KCNB2: variants seen among roughly 807,000 people sequenced by gnomAD.
KCNB2 encodes the protein potassium voltage-gated channel subfamily B member 2.
In KCNB2, 15 loss-of-function variants were observed where a neutral mutation model predicts 61.5. The observed-to-expected ratio is 0.24, with a 90% CI of 0.16 to 0.38. KCNB2 has a LOEUF of 0.38. KCNB2 is among the 10% of genes least tolerant of loss of function. The pLI is 1.00. For missense variants in KCNB2, 828 were observed against 1,125.2 expected, an observed-to-expected ratio of 0.74 and a Z score of 3.78; for synonymous variants, 457 against 446.0, an observed-to-expected ratio of 1.02 and a Z score of -0.31.
At chr8:72,589,992 T>A (rs1316769536) in intron 2 of KCNB2, among the ~76,000 whole-genome samples, 3 of 152,234 alleles carry the variant, frequency 2.0e-5, no homozygotes, top group African/African-American at 4.8e-5. Flanking sequence ...CTTATAATGA[T>A]TTTTACAGTG....
chr8:72,632,845 G>A (rs977246653), intron 2 of KCNB2, among the ~76,000 whole-genome samples: 2 of 152,120 alleles, frequency 1.3e-5, no homozygotes, highest in African/African-American at 4.8e-5. Context: ...ATGTCTATTT[G>A]TTAAACATAA....
At chr8:72,696,237 G>C (rs936713584) in intron 2 of KCNB2, among the ~76,000 whole-genome samples, 13 of 152,152 alleles carry the variant, frequency 8.5e-5, no homozygotes, top group Admixed American at 8.5e-4. Flanking sequence ...ATCAGATGTG[G>C]ATCTTGCCCT....
At chr8:72,639,634 G>A (rs906653053) in intron 2 of KCNB2, among the ~76,000 whole-genome samples, 3 of 152,168 alleles carry the variant, frequency 2.0e-5, no homozygotes, top group South Asian at 4.1e-4. Context: ...CTTCATCCGA[G>A]TTTGGCTTCT....
intron 2 of KCNB2, among the ~76,000 whole-genome samples, chr8:72,845,039 A>G (rs1809961845): frequency 6.6e-6 from 1 of 152,118 alleles, no homozygotes; most frequent in Non-Finnish European, 1.5e-5. Flanking sequence ...TGGGATTTTC[A>G]GCCTTTTTGT....
chr8:72,673,567 C>A (rs1034943996), intron 2 of KCNB2, among the ~76,000 whole-genome samples: 1 of 152,126 alleles, frequency 6.6e-6, no homozygotes, highest in African/African-American at 2.4e-5. Context: ...AGTGTAAGAA[C>A]AGACTAATAC....
intron 2 of KCNB2, among the ~76,000 whole-genome samples, chr8:72,858,959 GC>G (rs1810250138): frequency 6.6e-6 from 1 of 152,196 alleles, no homozygotes. Context: ...CAAGAATGGA[GC>G]TTCTAATTTT....
At chr8:72,632,269 A>G (rs2128985053) in intron 2 of KCNB2, among the ~76,000 whole-genome samples, 1 of 152,212 alleles carries the variant, frequency 6.6e-6, no homozygotes, top group South Asian at 2.1e-4. Context: ...GGGGCAATGG[A>G]AAAAAATCAA....
intron 2 of KCNB2, among the ~76,000 whole-genome samples, chr8:72,665,691 T>G (rs1806458843): frequency 2.0e-5 from 3 of 152,222 alleles, no homozygotes; most frequent in African/African-American, 7.2e-5. Context: ...GACTAACATG[T>G]AAGTTTGTTC....
chr8:72,897,696 G>A (rs1679398478), intron 2 of KCNB2, among the ~76,000 whole-genome samples: 1 of 152,096 alleles, frequency 6.6e-6, no homozygotes, highest in Admixed American at 6.6e-5. Context: ...TCTGTTTCCA[G>A]CATGCCCCCG....
At chr8:72,541,019 A>C (rs1391903076) in intron 1 of KCNB2, among the ~76,000 whole-genome samples, 1 of 151,872 alleles carries the variant, frequency 6.6e-6, no homozygotes, top group African/African-American at 2.4e-5. Context: ...TTGAAAAACT[A>C]ATTGAAAAAT....
chr8:72,734,666 TG>T (rs1807808517), intron 2 of KCNB2, among the ~76,000 whole-genome samples: 1 of 152,172 alleles, frequency 6.6e-6, no homozygotes, highest in South Asian at 2.1e-4. Flanking sequence ...CCATGCCCCC[TG>T]AATGTCTTCA....
chr8:72,928,294 G>C (rs1418720652), intron 2 of KCNB2, among the ~76,000 whole-genome samples: 2 of 150,890 alleles, frequency 1.3e-5, no homozygotes, highest in Non-Finnish European at 2.9e-5. Context: ...CTGGGTTCAA[G>C]TGATTCTCAT....
At chr8:72,730,124 G>T (rs182944007) in intron 2 of KCNB2, among the ~76,000 whole-genome samples, 5 of 152,168 alleles carry the variant, frequency 3.3e-5, no homozygotes, top group Admixed American at 1.3e-4. Flanking sequence ...AATTCTGTCT[G>T]CTCCTGAGGG....
intron 2 of KCNB2, among the ~76,000 whole-genome samples, chr8:72,636,631 A>G (rs1805970824): frequency 6.6e-6 from 1 of 152,140 alleles, no homozygotes; most frequent in African/African-American, 2.4e-5. Flanking sequence ...TAACTTACCC[A>G]AGGTCATACA....
At chr8:72,697,706 A>G (rs1807040386) in intron 2 of KCNB2, among the ~76,000 whole-genome samples, 1 of 152,158 alleles carries the variant, frequency 6.6e-6, no homozygotes, top group South Asian at 2.1e-4. Context: ...AGAAAATTCA[A>G]TTTCAGAGAG....
intron 2 of KCNB2, among the ~76,000 whole-genome samples, chr8:72,786,791 T>C (rs1418076759): frequency 6.6e-6 from 1 of 152,154 alleles, no homozygotes; most frequent in Non-Finnish European, 1.5e-5. Flanking sequence ...TTAAAGGCAC[T>C]GTAATAAAAA....
intron 2 of KCNB2, among the ~76,000 whole-genome samples, chr8:72,613,221 C>A (rs1026786245): frequency 6.6e-6 from 1 of 152,072 alleles, no homozygotes; most frequent in African/African-American, 2.4e-5. Flanking sequence ...GGATTTCAAA[C>A]AGGCAATTAT....
intron 2 of KCNB2, among the ~76,000 whole-genome samples, chr8:72,672,871 A>G (rs573003688): frequency 1.3e-5 from 2 of 152,316 alleles, no homozygotes; most frequent in Non-Finnish European, 2.9e-5. Flanking sequence ...AATTAGTAGT[A>G]GTATAAAAAG....
At chr8:72,731,195 G>A (rs1255317670) in intron 2 of KCNB2, among the ~76,000 whole-genome samples, 10 of 152,136 alleles carry the variant, frequency 6.6e-5, no homozygotes, top group Admixed American at 1.3e-4. Flanking sequence ...ATCTTGCATC[G>A]TACATGTATT....
Sources: allele counts gnomAD v4.1 joint callset (sites outside exome capture counted in the v4.1 genomes callset), GRCh38; gene constraint gnomAD v4.1.1; transcripts MANE v1.5; gene names NCBI Gene and HGNC (gene_info 2026-07-23, HGNC 2026-07-21).